Variants in GALNT13 observed in about 807,000 individuals in gnomAD.
GALNT13 encodes the protein polypeptide N-acetylgalactosaminyltransferase 13, also known as UDP-GalNAc:polypeptide N-acetylgalactosaminyltransferase 13.
In GALNT13, 28 loss-of-function variants were observed where a neutral mutation model predicts 64.2. That is an observed-to-expected ratio of 0.44 (90% CI 0.32 to 0.60). The LOEUF (loss-of-function observed/expected upper bound fraction) is 0.60. GALNT13 is among the 20% of genes least tolerant of loss of function. The probability of loss-of-function intolerance (pLI) is 0.05; values close to 1 mark genes in which losing one functional copy is unlikely to be tolerated. For missense variants in GALNT13, 577 were observed against 669.8 expected (o/e 0.86, Z 1.53); for synonymous variants, 214 against 224.6 (o/e 0.95, Z 0.42).
the GALNT13 span, among the ~76,000 whole-genome samples, chr2:153,400,602 C>A: frequency 1.2e-4 from 18 of 152,078 alleles, no homozygotes; most frequent in South Asian, 4.2e-4. Context: ...ACAATTTCAG[C>A]TCCTGTTATT....
the GALNT13 span, among the ~76,000 whole-genome samples, chr2:153,079,259 A>C: frequency 6.6e-6 from 1 of 152,202 alleles, no homozygotes; most frequent in Non-Finnish European, 1.5e-5. Flanking sequence ...GCATTGGCCA[A>C]TGTCAAAAAT....
the GALNT13 span, among the ~76,000 whole-genome samples, chr2:153,617,555 C>G: frequency 0.018 from 2,691 of 151,962 alleles, 83 homozygotes; most frequent in African/African-American, 0.062. Flanking sequence ...TTTTTGGTAT[C>G]AGAGTAATAC....
At chr2:153,393,973 C>T in the GALNT13 span, among the ~76,000 whole-genome samples, 1 of 111,268 alleles carries the variant, frequency 9.0e-6, no homozygotes, top group East Asian at 2.1e-4. Flanking sequence ...CACACACACA[C>T]ACACACACAC....
chr2:154,251,144 G>C (rs1690048210), intron 7 of GALNT13, among the ~76,000 whole-genome samples: 1 of 151,834 alleles, frequency 6.6e-6, no homozygotes, highest in Non-Finnish European at 1.5e-5. Context: ...AGAAAACTAG[G>C]GTAATAGAGT....
chr2:154,021,439 A>C (rs886535884), intron 3 of GALNT13, among the ~76,000 whole-genome samples: 2 of 152,142 alleles, frequency 1.3e-5, no homozygotes, highest in African/African-American at 2.4e-5. Flanking sequence ...TTGGATTCCT[A>C]AGTATTTTAT....
chr2:153,718,675 G>A, the GALNT13 span, among the ~76,000 whole-genome samples: 2 of 152,076 alleles, frequency 1.3e-5, no homozygotes, highest in Non-Finnish European at 2.9e-5. Flanking sequence ...TTAGAAGATT[G>A]AGGACTTTTT....
chr2:153,778,316 C>G, the GALNT13 span, among the ~76,000 whole-genome samples: 1 of 152,202 alleles, frequency 6.6e-6, no homozygotes, highest in Non-Finnish European at 1.5e-5. Context: ...CTGGGAAATG[C>G]AACATTTGGG....
At chr2:153,462,704 A>G in the GALNT13 span, among the ~76,000 whole-genome samples, 2 of 152,270 alleles carry the variant, frequency 1.3e-5, no homozygotes, top group Admixed American at 6.5e-5. Flanking sequence ...GAGCCATACT[A>G]TGCAGCCTCC....
the GALNT13 span, among the ~76,000 whole-genome samples, chr2:153,399,483 G>T: frequency 3.9e-5 from 6 of 152,002 alleles, no homozygotes; most frequent in South Asian, 4.1e-4. Flanking sequence ...AGCTTGATGG[G>T]GATGGCATTG....
the GALNT13 span, among the ~76,000 whole-genome samples, chr2:153,230,454 A>G: frequency 1.3e-5 from 2 of 152,204 alleles, no homozygotes; most frequent in Non-Finnish European, 2.9e-5. Context: ...GCCCTAAATC[A>G]GCCTCTGACT....
At chr2:154,413,103 A>G (rs1214312944) in intron 11 of GALNT13, among the ~76,000 whole-genome samples, 1 of 151,906 alleles carries the variant, frequency 6.6e-6, no homozygotes, top group African/African-American at 2.4e-5. Context: ...GTCCCGTACA[A>G]TGTTAATGAC....
the GALNT13 span, among the ~76,000 whole-genome samples, chr2:153,219,869 G>T: frequency 2.0e-5 from 3 of 152,150 alleles, no homozygotes; most frequent in African/African-American, 7.2e-5. Flanking sequence ...GTAGAATGTC[G>T]TATCTTCTTT....
At chr2:153,425,886 A>G in the GALNT13 span, among the ~76,000 whole-genome samples, 1 of 151,792 alleles carries the variant, frequency 6.6e-6, no homozygotes, top group Non-Finnish European at 1.5e-5. Context: ...TTCTTGAGTC[A>G]TTCTGCTTTA....
the GALNT13 span, among the ~76,000 whole-genome samples, chr2:153,313,315 A>G: frequency 6.6e-6 from 1 of 152,232 alleles, no homozygotes; most frequent in Non-Finnish European, 1.5e-5. Flanking sequence ...CATCAATGGC[A>G]GCATGGATAC....
the GALNT13 span, among the ~76,000 whole-genome samples, chr2:153,577,017 T>C: frequency 1.1e-3 from 175 of 152,242 alleles, no homozygotes; most frequent in African/African-American, 4.1e-3. Flanking sequence ...GAAAACCATA[T>C]AGAAGTGGAA....
chr2:154,245,512 T>C (rs772904567), intron 6 of GALNT13, among the ~76,000 whole-genome samples: 13 of 152,182 alleles, frequency 8.5e-5, no homozygotes, highest in African/African-American at 2.2e-4. Context: ...GCAGCTCTAC[T>C]AATCATGCTG....
At chr2:153,339,738 C>T in the GALNT13 span, among the ~76,000 whole-genome samples, 1 of 152,066 alleles carries the variant, frequency 6.6e-6, no homozygotes, top group East Asian at 1.9e-4. Context: ...AGTTTCAGGT[C>T]TTATGGTTAA....
At chr2:154,067,550 A>T (rs969896205) in intron 3 of GALNT13, among the ~76,000 whole-genome samples, 1 of 152,092 alleles carries the variant, frequency 6.6e-6, no homozygotes, top group Admixed American at 6.6e-5. Flanking sequence ...GAAGTTTATT[A>T]TTTAATGATA....
At chr2:153,351,465 A>G in the GALNT13 span, among the ~76,000 whole-genome samples, 1 of 152,192 alleles carries the variant, frequency 6.6e-6, no homozygotes, top group Non-Finnish European at 1.5e-5. Context: ...ACGTTGACAC[A>G]TCATCACCAA....
Sources: allele counts gnomAD v4.1 joint callset (sites outside exome capture counted in the v4.1 genomes callset), GRCh38; gene constraint gnomAD v4.1.1; transcripts MANE v1.5; gene names NCBI Gene and HGNC (gene_info 2026-07-23, HGNC 2026-07-21).